Variants in LRIG3 observed in about 807,000 individuals in gnomAD.
LRIG3 encodes leucine rich repeats and immunoglobulin like domains 3.
A neutral mutation model predicts 114.5 loss-of-function variants in LRIG3; 76 were observed. The ratio of observed to expected loss-of-function variants is 0.66; its 90% CI spans 0.55 to 0.80. LRIG3 has a LOEUF of 0.80. LRIG3 is among the 30% of genes least tolerant of loss of function. The probability of loss-of-function intolerance (pLI) is 0.00; values close to 1 mark genes in which losing one functional copy is unlikely to be tolerated. For synonymous variants in LRIG3, 512 were observed against 519.8 expected, an observed-to-expected ratio of 0.98 and a Z score of 0.20; for missense variants, 1,239 against 1,382.8, an observed-to-expected ratio of 0.90 and a Z score of 1.65.
intron 3 of LRIG3, among the ~76,000 whole-genome samples, chr12:58,892,848 G>C (rs1361266479): frequency 6.6e-6 from 1 of 152,182 alleles, no homozygotes; most frequent in East Asian, 1.9e-4. Flanking sequence ...TGTTCCTAAA[G>C]CAATCCCTTA....
chr12:58,873,732 G>A (rs1364371121), intron 18 of LRIG3: 1 of 382,264 alleles, frequency 2.6e-6, no homozygotes, highest in African/African-American at 2.0e-5. Flanking sequence ...CAAAGGCCGT[G>A]GGAGCCCAAA....
intron 1 of LRIG3, 88 bp downstream of exon 1, chr12:58,919,912 T>C (rs1872607376): frequency 7.7e-7 from 1 of 1,303,632 alleles, no homozygotes; most frequent in South Asian, 1.3e-5. Context: ...AAAAGGGGAC[T>C]GCACGCCGAA....
chr12:58,890,861 T>C (rs1871434589), intron 3 of LRIG3, 65 bp from the exon 4 acceptor site: 2 of 1,503,478 alleles, frequency 1.3e-6, no homozygotes, highest in Non-Finnish European at 1.8e-6. Flanking sequence ...AAGAAAAATA[T>C]TTTCTATTCC....
At chr12:58,892,930 C>T (rs1341440506) in intron 3 of LRIG3, among the ~76,000 whole-genome samples, 1 of 152,176 alleles carries the variant, frequency 6.6e-6, no homozygotes, top group African/African-American at 2.4e-5. Flanking sequence ...TATGTACCTC[C>T]CTTGAAAAGG....
chr12:58,909,545 T>A (rs1216370807), intron 3 of LRIG3, among the ~76,000 whole-genome samples: 1 of 152,228 alleles, frequency 6.6e-6, no homozygotes, highest in Non-Finnish European at 1.5e-5. Flanking sequence ...GCTTGGTACA[T>A]AGTAGATACT....
intron 10 of LRIG3, among the ~76,000 whole-genome samples, chr12:58,884,690 T>C (rs537364987): frequency 1.3e-5 from 2 of 152,284 alleles, no homozygotes; most frequent in East Asian, 3.9e-4. Flanking sequence ...GATCCAAGTC[T>C]CCCTCAGAGG....
At chr12:58,872,896 C>T (rs546218363) in intron 18 of LRIG3, 80 bp from the exon 19 acceptor site, 15 of 1,524,184 alleles carry the variant, frequency 9.8e-6, no homozygotes, top group Non-Finnish European at 1.3e-5. Flanking sequence ...AATGAAGGAA[C>T]ATCTTACCCC....
At chr12:58,875,792 C>A (rs998126476) in intron 16 of LRIG3, among the ~76,000 whole-genome samples, 1 of 152,248 alleles carries the variant, frequency 6.6e-6, no homozygotes. Flanking sequence ...GTAATCCCAG[C>A]ACTTTGGGAG....
At chr12:58,896,602 T>G (rs1472947774) in intron 3 of LRIG3, among the ~76,000 whole-genome samples, 1 of 152,202 alleles carries the variant, frequency 6.6e-6, no homozygotes, top group East Asian at 1.9e-4. Flanking sequence ...TCTAGGCAAT[T>G]TAGAGAAGGT....
chr12:58,874,411 A>G lies in LRIG3; in HGVS notation c.2839+19T>C. On this transcript the variant is annotated intron_variant, in intron 17 of 18. Coordinates refer to ENST00000320743, the MANE Select transcript of LRIG3 (RefSeq NM_153377.5). ...CTCTCTAAGAAACAGAACTGTACTC[A>G]AGCAAGAAAACCACCTACCTGTATG... The G allele has an allele frequency of 6.2e-7, 1 of 1,613,914 alleles. No individual in the cohort carries two copies. The highest frequency in any genetic ancestry group is 8.5e-7 in the Non-Finnish European group (1 of 1,179,946).
At chr12:58,884,471 T>G (rs950590337) in intron 10 of LRIG3, among the ~76,000 whole-genome samples, 1 of 152,216 alleles carries the variant, frequency 6.6e-6, no homozygotes, top group South Asian at 2.1e-4. Context: ...TTAAGAAAAC[T>G]GAAGCAGAGA....
intron 10 of LRIG3, among the ~76,000 whole-genome samples, chr12:58,884,365 C>G (rs1170820609): frequency 6.6e-6 from 1 of 151,998 alleles, no homozygotes; most frequent in Non-Finnish European, 1.5e-5. Flanking sequence ...TCACAGTATA[C>G]AAAGGGAATA....
chr12:58,919,308 AC>A, intron 1 of LRIG3: 1 of 1,428,476 alleles, frequency 7.0e-7, no homozygotes, highest in Non-Finnish European at 9.5e-7. Context: ...TCTCCCCTAA[AC>A]CGTCTGGGCG....
At chr12:58,919,434 T>C in intron 1 of LRIG3, 1 of 1,551,588 alleles carries the variant, frequency 6.4e-7, no homozygotes, top group East Asian at 2.4e-5. Flanking sequence ...TACGGTCTGC[T>C]AATGTGAAAA....
At chr12:58,903,849 C>T (rs1414132966) in intron 3 of LRIG3, among the ~76,000 whole-genome samples, 2 of 152,032 alleles carry the variant, frequency 1.3e-5, no homozygotes, top group African/African-American at 2.4e-5. Context: ...TTGTTTTTCT[C>T]AGGTTTGTCC....
chr12:58,874,406 T>C (rs1223352903), intron 17 of LRIG3, 24 bp downstream of exon 17: 1 of 1,613,746 alleles, frequency 6.2e-7, no homozygotes. Context: ...AACAGAACTG[T>C]ACTCAAGCAA....
intron 14 of LRIG3, among the ~76,000 whole-genome samples, chr12:58,878,614 G>C (rs1363151212): frequency 1.3e-5 from 2 of 152,166 alleles, no homozygotes; most frequent in Non-Finnish European, 2.9e-5. Context: ...AGGGGGCAGG[G>C]ATTCACCTCA....
chr12:58,909,627 G>C (rs980084294), intron 3 of LRIG3, among the ~76,000 whole-genome samples: 16 of 152,160 alleles, frequency 1.1e-4, no homozygotes, highest in African/African-American at 3.9e-4. Context: ...GTACATGCAA[G>C]ACAGCTTTAC....
chr12:58,891,225 C>T (rs1009955955), intron 3 of LRIG3, among the ~76,000 whole-genome samples: 21 of 152,018 alleles, frequency 1.4e-4, no homozygotes, highest in Admixed American at 1.4e-3. Flanking sequence ...AGGAATATTC[C>T]CACCTCAGCT....
Sources: allele counts gnomAD v4.1 joint callset (sites outside exome capture counted in the v4.1 genomes callset), GRCh38; gene constraint gnomAD v4.1.1; transcripts MANE v1.5; gene names NCBI Gene and HGNC (gene_info 2026-07-23, HGNC 2026-07-21).